Variants in GNG7 observed in about 807,000 individuals in gnomAD.
GNG7 encodes guanine nucleotide-binding protein G(I)/G(S)/G(O) subunit gamma-7.
GNG7 carries 1 observed loss-of-function variant against 4.0 expected under a neutral mutation model. That is an observed-to-expected ratio of 0.25 (90% CI 0.09 to 1.18). The LOEUF (loss-of-function observed/expected upper bound fraction) is 1.18, where lower values mean the gene tolerates loss of function less well. Ranked by LOEUF, GNG7 falls within the 50% of genes most tolerant of loss-of-function variation. GNG7 has a pLI of 0.50. For synonymous variants in GNG7, 34 were observed against 36.9 expected (o/e 0.92, Z 0.29); for missense variants, 86 against 91.9 (o/e 0.94, Z 0.26).
Position 2,575,738 on chromosome 19 carries a change from C to CAG in GNG7, c.-77-20551_-77-20550insCT, listed in dbSNP as rs201042346. On this transcript the variant is annotated intron_variant, in intron 2 of 4. Transcript: ENST00000382159. ...GCACACGCAGACACGCAGGCACACGCACACGCAGGCACACGCAGACACGCA... is the reference window on the plus strand; with the variant it reads ...GCACACGCAGACACGCAGGCACACGCAGACACGCAGGCACACGCAGACACGCA... Among the ~76,000 whole-genome samples the CAG allele has an allele frequency of 2.3e-3, 185 of 79,594 alleles. 45 individuals are homozygous for CAG. Among genetic ancestry groups the CAG allele is most frequent in the African/African-American group, 0.016 (173 of 11,142 alleles). The allele number at this position is 79,594 out of a possible 152,430, so 52.2% of individuals were successfully genotyped here.
chr19:2,527,316 G>A (rs572116017), intron 3 of GNG7, among the ~76,000 whole-genome samples: 242 of 152,230 alleles, frequency 1.6e-3, no homozygotes, highest in African/African-American at 5.7e-3. Flanking sequence ...TCACTCAGAC[G>A]GCACCACTCC....
intron 1 of GNG7, among the ~76,000 whole-genome samples, chr19:2,654,240 T>TCC (rs930126550): frequency 2.0e-5 from 3 of 151,804 alleles, no homozygotes; most frequent in African/African-American, 7.3e-5. Flanking sequence ...ACGCATACCC[T>TCC]CCCCTCCCGC....
At chr19:2,524,707 T>C (rs1272994397) in intron 3 of GNG7, among the ~76,000 whole-genome samples, 2 of 152,212 alleles carry the variant, frequency 1.3e-5, no homozygotes, top group Non-Finnish European at 2.9e-5. Flanking sequence ...CGTGCATGTG[T>C]GTGGACATGC....
chr19:2,589,395 TA>T (rs1555696130), intron 2 of GNG7, among the ~76,000 whole-genome samples: 1 of 113,026 alleles, frequency 8.8e-6, no homozygotes, highest in Non-Finnish European at 2.0e-5. Flanking sequence ...TTTTTTTTTT[TA>T]AATAGCAGAG....
At chr19:2,632,749 A>C (rs188658594) in intron 2 of GNG7, 1 of 152,360 alleles carries the variant, frequency 6.6e-6, no homozygotes, top group East Asian at 1.9e-4. Flanking sequence ...GCACCTGGGC[A>C]ACAGAGTGAG....
rs8105033 is a variant in GNG7 at position 2,635,731 on chromosome 19, C to T, written c.-78+10493G>A. 4.9e-3 allele frequency among the ~76,000 whole-genome samples: 751 copies of T among 152,210 alleles called. 8 individuals carry two copies. Among genetic ancestry groups the T allele is most frequent in the African/African-American group, 0.017 (707 of 41,538 alleles). On this transcript the variant is annotated intron_variant, in intron 2 of 4. Coordinates refer to ENST00000382159, the MANE Select transcript of GNG7 (RefSeq NM_052847.3). ...CGGAGTAGCTGGGATTGCAGGCGCC[C>T]GCCACCACACCCAGCTAATTTTTGT...
chr19:2,615,454 GTTTTTTTTTTTTT>G (rs56036626), intron 2 of GNG7, among the ~76,000 whole-genome samples: 5 of 48,816 alleles, frequency 1.0e-4, no homozygotes, highest in African/African-American at 3.4e-4. Flanking sequence ...GTCTTTTCCG[GTTTTTTTTTTTTT>G]TTTTTTTTTT....
chr19:2,662,246 C>T (rs973550194), intron 1 of GNG7, among the ~76,000 whole-genome samples: 4 of 127,802 alleles, frequency 3.1e-5, no homozygotes, highest in African/African-American at 6.1e-5. Flanking sequence ...GGCGACAGAG[C>T]GAGACTCCAT....
chr19:2,692,495 T>C (rs953594934), intron 1 of GNG7, among the ~76,000 whole-genome samples: 17 of 151,168 alleles, frequency 1.1e-4, no homozygotes, highest in Middle Eastern at 3.4e-3. Context: ...ATCAGCCGGG[T>C]GTGGTGGCGG....
chr19:2,655,838 G>GAAAAAAAA (rs56041767), intron 1 of GNG7, among the ~76,000 whole-genome samples: 9 of 54,748 alleles, frequency 1.6e-4, no homozygotes, highest in Admixed American at 5.5e-4. Context: ...GGCTCCGTCT[G>GAAAAAAAA]AAAAAAAAAA....
At chr19:2,570,972 A>AT (rs537285701) in intron 2 of GNG7, among the ~76,000 whole-genome samples, 30,410 of 146,278 alleles carry the variant, frequency 0.21, 5,377 homozygotes, top group African/African-American at 0.48. Flanking sequence ...TAATGTTTGT[A>AT]TTTTTTTTTT....
chr19:2,627,591 C>T (rs1982052707), intron 2 of GNG7, among the ~76,000 whole-genome samples: 1 of 152,250 alleles, frequency 6.6e-6, no homozygotes, highest in Non-Finnish European at 1.5e-5. Context: ...CCCAGTCTCA[C>T]ATGGGCCAGA....
chr19:2,549,411 C>T (rs548911344), intron 3 of GNG7, among the ~76,000 whole-genome samples: 1 of 152,080 alleles, frequency 6.6e-6, no homozygotes, highest in South Asian at 2.1e-4. Context: ...CTGCCTCAGC[C>T]TCCTGAGTAG....
At chr19:2,679,202 A>T (rs1415970780) in intron 1 of GNG7, among the ~76,000 whole-genome samples, 1 of 151,882 alleles carries the variant, frequency 6.6e-6, no homozygotes, top group Non-Finnish European at 1.5e-5. Context: ...GGTGTGCACC[A>T]CCATATCTGG....
intron 2 of GNG7, among the ~76,000 whole-genome samples, chr19:2,581,196 C>G (rs550228764): frequency 7.2e-5 from 11 of 152,014 alleles, no homozygotes; most frequent in African/African-American, 2.7e-4. Flanking sequence ...GTGCCTTCGC[C>G]GCAGGCCCAG....
chr19:2,677,014 C>T (rs6510696), intron 1 of GNG7, among the ~76,000 whole-genome samples: 48,276 of 151,988 alleles, frequency 0.32, 8,838 homozygotes, highest in East Asian at 0.56. Flanking sequence ...GGCCGTGATC[C>T]GGCTCTCAGC....
At chr19:2,669,705 CT>C (rs1052611760) in intron 1 of GNG7, among the ~76,000 whole-genome samples, 4 of 152,056 alleles carry the variant, frequency 2.6e-5, no homozygotes, top group African/African-American at 9.7e-5. Context: ...CTCTCTGGCT[CT>C]TTACAGAAGA....
chr19:2,675,229 C>T (rs1157909258), intron 1 of GNG7, among the ~76,000 whole-genome samples: 1 of 152,096 alleles, frequency 6.6e-6, no homozygotes, highest in African/African-American at 2.4e-5. Context: ...CTGTCGTGCC[C>T]CTGAAGAACT....
At position 2,557,789 on chromosome 19, in the gene GNG7, G is replaced by A. The variant is rs560749292; in HGVS notation, c.-77-2601C>T. The stretch of plus-strand genomic sequence containing the variant: ...GCCCCAGGCCATGGTCCTTGACCAG[G>A]GAACCACAGCTCCTTATTCTGATGG... On this transcript the variant is annotated intron_variant, in intron 2 of 4. Transcript: ENST00000382159. This position sits in a 1 kb window ranked among gnomAD's most constrained non-coding sequence, Gnocchi z 5.1. Among the ~76,000 whole-genome samples the A allele has an allele frequency of 6.6e-6, 1 of 152,262 alleles. No individual in the cohort carries two copies. The highest frequency in any genetic ancestry group is 2.1e-4 in the South Asian group (1 of 4,818).
Sources: allele counts gnomAD v4.1 joint callset (sites outside exome capture counted in the v4.1 genomes callset), GRCh38; gene constraint gnomAD v4.1.1; non-coding constraint Gnocchi (gnomAD v3.1); transcripts MANE v1.5; gene names NCBI Gene and HGNC (gene_info 2026-07-23, HGNC 2026-07-21).